The following SLC13A4 variants were observed in gnomAD, a reference collection of about 807,000 sequenced individuals.
The protein encoded by SLC13A4 is Na(+)/sulfate cotransporter SUT-1.
A neutral mutation model predicts 72.7 loss-of-function variants in SLC13A4; 28 were observed. That is an observed-to-expected ratio of 0.39 (90% CI 0.29 to 0.53). The LOEUF (loss-of-function observed/expected upper bound fraction) is 0.53, where lower values mean the gene tolerates loss of function less well. Ranked by LOEUF, SLC13A4 falls within the 20% of genes least tolerant of loss-of-function variation. The probability of loss-of-function intolerance (pLI) is 0.78; values close to 1 mark genes in which losing one functional copy is unlikely to be tolerated. For missense variants in SLC13A4, 653 were observed against 788.0 expected (o/e 0.83, Z 2.05); for synonymous variants, 312 against 325.5 (o/e 0.96, Z 0.45).
chr7:135,725,055 C>A (rs748032797), intron 1 of SLC13A4, among the ~76,000 whole-genome samples: 47 of 152,210 alleles, frequency 3.1e-4, no homozygotes, highest in Admixed American at 9.2e-4. Flanking sequence ...GGCTCTTTAA[C>A]AACACCACTG....
chr7:135,700,071 G>C (rs1795995536), intron 7 of SLC13A4, among the ~76,000 whole-genome samples: 1 of 152,128 alleles, frequency 6.6e-6, no homozygotes, highest in Admixed American at 6.5e-5. Context: ...CCCTGATGGA[G>C]AGATGACTAA....
intron 2 of SLC13A4, among the ~76,000 whole-genome samples, chr7:135,709,430 A>T (rs145881114): frequency 1.9e-5 from 2 of 105,862 alleles, no homozygotes; most frequent in African/African-American, 6.6e-5. Flanking sequence ...TTTTTTAAAA[A>T]AAAATTTGAG....
In SLC13A4 at chr7:135,727,648, G is replaced by A; in HGVS notation, c.-152C>T. The A allele has an allele frequency of 1.1e-6, 1 of 897,008 alleles. No individual in the cohort carries two copies. The highest frequency in any genetic ancestry group is 1.7e-5 in the African/African-American group (1 of 59,046). The allele number at this position is 897,008 out of a possible 1,614,324, so 55.6% of individuals were successfully genotyped here. A position where few individuals can be genotyped will look rare whatever the true frequency, so the allele number is the denominator to read the frequency against. On this transcript the variant is annotated 5_prime_UTR_variant, in exon 1 of 16. Transcript: ENST00000682651. ...GTCTTGGGGGCAGAACGGGAGGGCA[G>A]TTATACCCTCGCTGTTTCTACAAGA...
intron 7 of SLC13A4, among the ~76,000 whole-genome samples, chr7:135,700,083 A>G (rs1386374429): frequency 6.6e-6 from 1 of 152,176 alleles, no homozygotes; most frequent in African/African-American, 2.4e-5. Context: ...GATGACTAAA[A>G]AATACACCTG....
chr7:135,700,680 T>C (rs1796012450), intron 7 of SLC13A4, among the ~76,000 whole-genome samples: 2 of 152,228 alleles, frequency 1.3e-5, no homozygotes, highest in Non-Finnish European at 2.9e-5. Flanking sequence ...GGTTTCACTC[T>C]GTTGCCCAGG....
chr7:135,717,750 G>T (rs989372592), intron 2 of SLC13A4, among the ~76,000 whole-genome samples: 1 of 152,156 alleles, frequency 6.6e-6, no homozygotes, highest in East Asian at 1.9e-4. Flanking sequence ...TTGCTTCTGG[G>T]TGTTTCTGGA....
In SLC13A4 at chr7:135,695,483, A is replaced by G; in HGVS notation, c.904T>C (p.Tyr302His). ...AAGTTCACCACCTCTGCGGCTGGAT[A>G]CTGGCTGGAGGGTAAAGAACCAGGT... ...LIFLEHFNNQ[Y>H]PAAEVVNFGT... The change falls in exon 9 of 16, where the codon TAT (tyrosine) becomes CAT (histidine). Residue 302 changes from tyrosine (Y) to histidine (H), a missense_variant. Coordinates refer to ENST00000682651, the MANE Select transcript of SLC13A4 (RefSeq NM_001318192.2). 6.2e-7 allele frequency: 1 copy of G among 1,613,974 alleles called. No homozygotes were observed. The highest frequency in any genetic ancestry group is 8.5e-7 in the Non-Finnish European group (1 of 1,179,868).
intron 2 of SLC13A4, among the ~76,000 whole-genome samples, chr7:135,712,461 T>TAAAAAAA (rs539587817): frequency 1.2e-4 from 15 of 122,954 alleles, no homozygotes; most frequent in African/African-American, 3.4e-4. Flanking sequence ...TTTTCTCATC[T>TAAAAAAA]AAAAAAAAAA....
intron 1 of SLC13A4, among the ~76,000 whole-genome samples, chr7:135,726,500 T>C (rs1036178666): frequency 2.0e-5 from 3 of 152,180 alleles, no homozygotes; most frequent in Non-Finnish European, 4.4e-5. Flanking sequence ...AGCTTATTTT[T>C]CCTAAAGTCT....
At chr7:135,706,069 A>G in intron 4 of SLC13A4, 59 bp downstream of exon 4, 1 of 1,504,290 alleles carries the variant, frequency 6.6e-7, no homozygotes, top group Non-Finnish European at 9.0e-7. Context: ...GGAGCCAGGC[A>G]GGAGGACCCC....
Position 135,708,059 on chromosome 7 carries a change from G to A in SLC13A4, c.365+55C>T, listed in dbSNP as rs549798843. The A allele has an allele frequency of 2.4e-5, 38 of 1,587,046 alleles. No homozygotes were observed. The South Asian group carries it at 3.8e-4, about 16-fold the overall frequency. ...GTGACCTGAGACCACTGTCCTGGTG[G>A]CACACTGGGAGCTAGAAGGATGCCC... On this transcript the variant is annotated intron_variant, in intron 3 of 15. Transcript: ENST00000682651.
At chr7:135,682,994 G>A (rs759073392) in intron 15 of SLC13A4, among the ~76,000 whole-genome samples, 24 of 152,018 alleles carry the variant, frequency 1.6e-4, no homozygotes, top group Non-Finnish European at 2.9e-4. Context: ...TGAGCAGTTC[G>A]AACAGTCGAA....
intron 13 of SLC13A4, 32 bp from the exon 14 acceptor site, chr7:135,685,715 G>A (rs537067684): frequency 6.3e-7 from 1 of 1,578,306 alleles, no homozygotes; most frequent in Admixed American, 1.7e-5. Flanking sequence ...TAAGAAGAAA[G>A]GAGAAGAAGC....
At chr7:135,685,429 G>T in intron 14 of SLC13A4, 93 bp downstream of exon 14, 2 of 1,104,420 alleles carry the variant, frequency 1.8e-6, no homozygotes, top group Non-Finnish European at 2.7e-6. Flanking sequence ...CCAGAGGAGA[G>T]CCTACAGCTA....
chr7:135,717,083 C>T (rs1796449021), intron 2 of SLC13A4, among the ~76,000 whole-genome samples: 1 of 152,208 alleles, frequency 6.6e-6, no homozygotes, highest in Non-Finnish European at 1.5e-5. Context: ...GCTAGCGCAT[C>T]CAACTTAGCC....
chr7:135,709,577 T>G (rs969346820), intron 2 of SLC13A4, among the ~76,000 whole-genome samples: 1 of 152,146 alleles, frequency 6.6e-6, no homozygotes, highest in Non-Finnish European at 1.5e-5. Flanking sequence ...GTACCAGTTA[T>G]AAACTCCTTT....
chr7:135,697,621 G>A (rs1416280423), intron 8 of SLC13A4, among the ~76,000 whole-genome samples: 2 of 147,420 alleles, frequency 1.4e-5, no homozygotes, highest in African/African-American at 5.0e-5. Flanking sequence ...TCCAGAATGA[G>A]TTTTCAAAAC....
intron 13 of SLC13A4, among the ~76,000 whole-genome samples, chr7:135,686,463 C>T (rs1475370081): frequency 6.6e-6 from 1 of 152,082 alleles, no homozygotes. Flanking sequence ...GCAGTCTCAA[C>T]CTCCTGGGTT....
At chr7:135,709,332 C>A (rs1357608187) in intron 2 of SLC13A4, among the ~76,000 whole-genome samples, 1 of 149,516 alleles carries the variant, frequency 6.7e-6, no homozygotes, top group Admixed American at 6.6e-5. Context: ...TTTTTTTTTT[C>A]CCTGAACCAT....
Sources: gnomAD v4.1 joint callset for allele counts (sites outside exome capture counted in the v4.1 genomes callset) on GRCh38, gnomAD v4.1.1 for gene constraint, MANE v1.5 for transcripts, NCBI Gene and HGNC (gene_info 2026-07-23, HGNC 2026-07-21) for gene names.